The following UBR4 variants were observed in gnomAD, a reference collection of about 807,000 sequenced individuals.
UBR4 encodes E3 ubiquitin-protein ligase UBR4.
UBR4 carries 124 observed loss-of-function variants against 575.6 expected under a neutral mutation model. The ratio of observed to expected loss-of-function variants is 0.22; its 90% CI spans 0.19 to 0.25. The LOEUF is 0.25. UBR4 is among the 10% of genes least tolerant of loss of function. The pLI, the probability that UBR4 is intolerant of heterozygous loss-of-function variation, is 1.00. For missense variants in UBR4, 4,818 were observed against 6,478.8 expected (o/e 0.74, Z 8.80); for synonymous variants, 2,455 against 2,473.7 (o/e 0.99, Z 0.22).
rs2079697751 is a variant in UBR4, at chr1:19,110,309, C to T, written c.11977+71G>A. Reference sequence around the variant, plus strand: ...GGCCGCCCAAGCATCAGTTTCCCTCCTCCCCTCCCAGTCCGGCCAGGACTG... The same window carrying T: ...GGCCGCCCAAGCATCAGTTTCCCTCTTCCCCTCCCAGTCCGGCCAGGACTG... On this transcript the variant is annotated intron_variant, in intron 80 of 105. Coordinates refer to ENST00000375254, the MANE Select transcript of UBR4 (RefSeq NM_020765.3). This position sits in a 1 kb window ranked among gnomAD's most constrained non-coding sequence, Gnocchi z 4.5. 2 of 1,612,878 alleles carry T rather than the reference C, an allele frequency of 1.2e-6. No homozygotes were observed. Among genetic ancestry groups the T allele is most frequent in the Non-Finnish European group, 1.7e-6 (2 of 1,178,984 alleles).
intron 39 of UBR4, 145 bp downstream of exon 39, chr1:19,159,966 G>T: frequency 9.6e-7 from 1 of 1,039,354 alleles, no homozygotes; most frequent in Non-Finnish European, 1.4e-6. Context: ...TTCTGGGCAT[G>T]TCATGATGTC....
At chr1:19,201,993 G>T (rs1250734475) in intron 1 of UBR4, among the ~76,000 whole-genome samples, 178 bp from the exon 2 acceptor site, 3 of 152,136 alleles carry the variant, frequency 2.0e-5, no homozygotes, top group Non-Finnish European at 1.5e-5. Flanking sequence ...AGGAGTTCAA[G>T]ACCAGCTTGG....
intron 64 of UBR4, among the ~76,000 whole-genome samples, chr1:19,125,905 T>C (rs1031550359): frequency 1.3e-5 from 2 of 152,156 alleles, no homozygotes; most frequent in Admixed American, 1.3e-4. Flanking sequence ...GGCACCTCAT[T>C]CAATGCTCAC....
Position 19,162,570 on chromosome 1 carries a change from G to A in UBR4, c.4806C>T (p.Tyr1602=), listed in dbSNP as rs368020158. Residue 1602 remains tyrosine, a synonymous_variant, in exon 35 of 106, where the codon TAC becomes TAT. Coordinates refer to ENST00000375254, the MANE Select transcript of UBR4 (RefSeq NM_020765.3). ...TCAGGGCATTCGTGACATCAGCCAAGTAAGACATGATATGGCATGTGCACT... is the reference window on the plus strand; with the variant it reads ...TCAGGGCATTCGTGACATCAGCCAAATAAGACATGATATGGCATGTGCACT... ...ILECTCHIMS[Y]LADVTNALSQ... is the part of the protein sequence containing the mutation. 6.2e-7 allele frequency: 1 copy of A among 1,614,078 alleles called. No individual in the cohort carries two copies.
Position 19,106,830 on chromosome 1 carries a change from G to C in UBR4, c.12235+7C>G, listed in dbSNP as rs1359028478. 3 of 1,612,732 alleles carry C rather than the reference G, an allele frequency of 1.9e-6. No individual in the cohort carries two copies. The highest frequency in any genetic ancestry group is 1.7e-5 in the Admixed American group (1 of 59,984). ...GACTTCCCGGCGTCTTGAAGAGAAA[G>C]ATATACCTCTGATAGGAAGACACTT... On this transcript the variant is annotated splice_region_variant and intron_variant, in intron 82 of 105. Transcript: ENST00000375254.
chr1:19,151,003 C>G, intron 48 of UBR4: 1 of 596,106 alleles, frequency 1.7e-6, no homozygotes, highest in Non-Finnish European at 2.9e-6. Flanking sequence ...AAGCCGATTA[C>G]GTCTCCTACT....
At chr1:19,132,627 T>TAAAAAAAAAAAAAAAAAA (rs2082669671) in intron 60 of UBR4, among the ~76,000 whole-genome samples, 1 of 41,122 alleles carries the variant, frequency 2.4e-5, no homozygotes, top group Non-Finnish European at 4.7e-5. Context: ...AAAAAAAAAG[T>TAAAAAAAAAAAAAAAAAA]AAGTAAAAGA....
At chr1:19,134,086 T>TAAAAAAAAAA (rs71030132) in intron 60 of UBR4, among the ~76,000 whole-genome samples, 25 of 52,512 alleles carry the variant, frequency 4.8e-4, no homozygotes, top group East Asian at 2.7e-3. Flanking sequence ...ACTCTGTCTC[T>TAAAAAAAAAA]AAAAAAAAAA....
intron 1 of UBR4, 96 bp from the exon 2 acceptor site, chr1:19,201,911 C>G (rs2092762001): frequency 1.9e-6 from 2 of 1,035,840 alleles, no homozygotes; most frequent in Non-Finnish European, 1.4e-6. Flanking sequence ...TCCTTACTAC[C>G]TGGTAGATAG....
chr1:19,131,597 G>A (rs1489701018), intron 60 of UBR4, among the ~76,000 whole-genome samples: 2 of 152,160 alleles, frequency 1.3e-5, no homozygotes, highest in African/African-American at 4.8e-5. Flanking sequence ...AAATACACTG[G>A]GCGTGGTGGC....
Position 19,113,540 on chromosome 1 carries a change from T to A in UBR4, c.11457+159A>T. The A allele has an allele frequency of 1.5e-5, 16 of 1,058,090 alleles. 1 individual carries two copies. The highest frequency in any genetic ancestry group is 2.2e-5 in the Non-Finnish European group (16 of 730,522). 65.5% of individuals were successfully genotyped at this position (1,058,090 alleles called of 1,614,324 possible). Reference sequence around the variant, plus strand: ...GCGCCATAAATCACGGTGGGGGAGATGCCGTTTGGTGCAGCCATCTGCCTG... The same window carrying A: ...GCGCCATAAATCACGGTGGGGGAGAAGCCGTTTGGTGCAGCCATCTGCCTG... On this transcript the variant is annotated intron_variant, in intron 77 of 105. Coordinates refer to ENST00000375254, the MANE Select transcript of UBR4 (RefSeq NM_020765.3).
At chr1:19,201,669 C>A in intron 2 of UBR4, 49 bp downstream of exon 2, 1 of 1,506,340 alleles carries the variant, frequency 6.6e-7, no homozygotes, top group Non-Finnish European at 9.2e-7. Flanking sequence ...ATAAACAATC[C>A]CCCTATTCAC....
chr1:19,165,988 T>C (rs1201256809), intron 29 of UBR4, among the ~76,000 whole-genome samples: 1 of 152,204 alleles, frequency 6.6e-6, no homozygotes, highest in Non-Finnish European at 1.5e-5. Flanking sequence ...ATTAGGAAGA[T>C]GAACAGGAAA....
chr1:19,161,501 T>C (rs911575796), intron 37 of UBR4, 88 bp downstream of exon 37: 1 of 1,503,152 alleles, frequency 6.7e-7, no homozygotes, highest in Non-Finnish European at 8.9e-7. Flanking sequence ...TCAGGTATCC[T>C]GGAGGTGATG....
chr1:19,179,821 G>C (rs2090689615), intron 17 of UBR4, among the ~76,000 whole-genome samples: 1 of 152,122 alleles, frequency 6.6e-6, no homozygotes, highest in Admixed American at 6.6e-5. Context: ...CACACACACT[G>C]AGCAGGATGC....
At chr1:19,194,757 G>C (rs986405864) in intron 8 of UBR4, among the ~76,000 whole-genome samples, 3 of 152,078 alleles carry the variant, frequency 2.0e-5, no homozygotes, top group Admixed American at 2.0e-4. Context: ...AGCTAAGATT[G>C]AGCCATTGCA....
Position 19,104,095 on chromosome 1 carries a change from T to C in UBR4, c.12890A>G (p.Asp4297Gly), listed in dbSNP as rs1159817249. 6.2e-7 allele frequency: 1 copy of C among 1,614,062 alleles called. No homozygotes were observed. Among genetic ancestry groups the C allele is most frequent in the African/African-American group, 1.3e-5 (1 of 74,932 alleles). ...TQDMLLEMLE[D>G]MTTGTESETK... ...CTGGGCAGTGCTACCTGTGGTCATG[T>C]CCTCCAGCATCTCCAGCAGCATGTC... The change falls in exon 87 of 106, where the codon GAC (aspartate) becomes GGC (glycine). Residue 4297 changes from aspartate (D) to glycine (G), a missense_variant. Physicochemically the swap from Asp to Gly is moderately conservative, Grantham distance 94 (BLOSUM62 -1). Transcript: ENST00000375254.
chr1:19,113,659 T>C (rs1421598807), intron 77 of UBR4, 40 bp downstream of exon 77: 6 of 1,611,334 alleles, frequency 3.7e-6, no homozygotes, highest in East Asian at 2.2e-5. Flanking sequence ...CCAGTAACAC[T>C]TGGACAAAAC....
rs776020844 is a variant in UBR4 at position 19,168,015 on chromosome 1, G to T, written c.3899+12C>A. On this transcript the variant is annotated intron_variant, in intron 28 of 105. Coordinates refer to ENST00000375254, the MANE Select transcript of UBR4 (RefSeq NM_020765.3). ...GACATAGAGTCCTTGGGGCTAGGTA[G>T]TAGGTACTTACACAATAAGATCTCC... The T allele has an allele frequency of 6.2e-6, 10 of 1,604,932 alleles. No homozygotes were observed. The highest frequency in any genetic ancestry group is 8.5e-6 in the Non-Finnish European group (10 of 1,173,616).
Sources: allele counts gnomAD v4.1 joint callset (sites outside exome capture counted in the v4.1 genomes callset), GRCh38; gene constraint gnomAD v4.1.1; non-coding constraint Gnocchi (gnomAD v3.1); transcripts MANE v1.5; gene names NCBI Gene and HGNC (gene_info 2026-07-23, HGNC 2026-07-21).